The following ASTN2 variants were observed in gnomAD, a reference collection of about 807,000 sequenced individuals.
ASTN2 encodes the protein astrotactin-2.
ASTN2 carries 54 observed loss-of-function variants against 139.8 expected under a neutral mutation model. The ratio of observed to expected loss-of-function variants is 0.39; its 90% CI spans 0.31 to 0.48. The LOEUF (loss-of-function observed/expected upper bound fraction) is 0.48. ASTN2 is among the 20% of genes least tolerant of loss of function. The probability of loss-of-function intolerance (pLI) is 0.95; values close to 1 mark genes in which losing one functional copy is unlikely to be tolerated. For synonymous variants in ASTN2, 756 were observed against 719.5 expected, an observed-to-expected ratio of 1.05 and a Z score of -0.81; for missense variants, 1,565 against 1,725.1, an observed-to-expected ratio of 0.91 and a Z score of 1.64.
chr9:116,950,905 A>G (rs1835539949), intron 10 of ASTN2, among the ~76,000 whole-genome samples: 2 of 152,336 alleles, frequency 1.3e-5, no homozygotes, highest in Non-Finnish European at 2.9e-5. Context: ...GGAGGAAGAT[A>G]GATTCTTTCT....
At chr9:117,341,832 C>T (rs1218973531) in intron 1 of ASTN2, among the ~76,000 whole-genome samples, 2 of 152,152 alleles carry the variant, frequency 1.3e-5, no homozygotes, top group Admixed American at 1.3e-4. Flanking sequence ...TGCCTTGTTT[C>T]TGCAAAATAC....
chr9:117,066,125 G>A (rs566686345), intron 5 of ASTN2, among the ~76,000 whole-genome samples: 35 of 139,350 alleles, frequency 2.5e-4, no homozygotes, highest in African/African-American at 7.3e-4. Flanking sequence ...CCACTAACTC[G>A]TCATCTAGCA....
At chr9:116,809,520 C>T (rs1831111562) in intron 12 of ASTN2, among the ~76,000 whole-genome samples, 1 of 152,066 alleles carries the variant, frequency 6.6e-6, no homozygotes, top group African/African-American at 2.4e-5. Context: ...ATACTCCTCC[C>T]CTTCATCAAC....
At chr9:117,124,363 C>T (rs561135481) in intron 4 of ASTN2, among the ~76,000 whole-genome samples, 4 of 152,192 alleles carry the variant, frequency 2.6e-5, no homozygotes, top group Non-Finnish European at 4.4e-5. Flanking sequence ...AAGGTCACAG[C>T]CTTTAAACAG....
chr9:117,149,298 A>T (rs1830274130), intron 3 of ASTN2, among the ~76,000 whole-genome samples: 1 of 152,162 alleles, frequency 6.6e-6, no homozygotes, highest in Non-Finnish European at 1.5e-5. Context: ...GATTACAGGC[A>T]TGAGCCACTA....
At chr9:117,391,572 G>A (rs1830541801) in intron 1 of ASTN2, among the ~76,000 whole-genome samples, 1 of 152,098 alleles carries the variant, frequency 6.6e-6, no homozygotes, top group African/African-American at 2.4e-5. Context: ...CACAACACGT[G>A]GGAATTATGG....
At chr9:116,671,407 AT>A (rs1310257565) in intron 16 of ASTN2, among the ~76,000 whole-genome samples, 1 of 152,108 alleles carries the variant, frequency 6.6e-6, no homozygotes, top group African/African-American at 2.4e-5. Flanking sequence ...GGTACATCAT[AT>A]GGAGATTAGA....
At chr9:116,851,290 G>T (rs777666921) in intron 11 of ASTN2, among the ~76,000 whole-genome samples, 1 of 152,140 alleles carries the variant, frequency 6.6e-6, no homozygotes, top group Non-Finnish European at 1.5e-5. Context: ...GGGAGGACAG[G>T]GTTACAATTG....
intron 10 of ASTN2, among the ~76,000 whole-genome samples, chr9:116,893,627 G>A (rs747363947): frequency 6.6e-6 from 1 of 152,100 alleles, no homozygotes; most frequent in Admixed American, 6.5e-5. Flanking sequence ...GTAGGTGCCT[G>A]CATGGAGTGA....
chr9:116,936,632 A>G (rs1211056481), intron 10 of ASTN2, among the ~76,000 whole-genome samples: 1 of 152,198 alleles, frequency 6.6e-6, no homozygotes, highest in African/African-American at 2.4e-5. Context: ...AACATTTTCC[A>G]GAGACATTTC....
rs149122855 is a variant in ASTN2, at chr9:117,360,934, C to A, written c.442+53563G>T. ...TTTTTTCCCCCTTCCACATTATGCC[C>A]CTTTATGTAGAATTGGTGACATTAT... On this transcript the variant is annotated intron_variant, in intron 1 of 22. Coordinates refer to ENST00000313400, the MANE Select transcript of ASTN2 (RefSeq NM_001365068.1). Among the ~76,000 whole-genome samples the A allele has an allele frequency of 1.7e-3, 262 of 152,230 alleles. 2 individuals are homozygous for A. Among genetic ancestry groups the A allele is most frequent in the Non-Finnish European group, 1.0e-3 (70 of 68,014 alleles).
At chr9:116,945,242 A>T (rs1178277681) in intron 10 of ASTN2, among the ~76,000 whole-genome samples, 1 of 152,072 alleles carries the variant, frequency 6.6e-6, no homozygotes, top group African/African-American at 2.4e-5. Flanking sequence ...TCACGTATCA[A>T]CTCTCACAAA....
intron 10 of ASTN2, among the ~76,000 whole-genome samples, chr9:116,955,854 A>G (rs935092258): frequency 5.6e-4 from 85 of 152,322 alleles, no homozygotes; most frequent in African/African-American, 2.0e-3. Context: ...TGTGGATATA[A>G]TGAGCAAGAG....
chr9:117,128,775 C>T (rs1382154489), intron 4 of ASTN2, among the ~76,000 whole-genome samples: 1 of 152,226 alleles, frequency 6.6e-6, no homozygotes. Flanking sequence ...TTTAATTGAA[C>T]TTACAGTTCC....
At chr9:117,220,373 C>G (rs1489835192) in intron 2 of ASTN2, among the ~76,000 whole-genome samples, 1 of 152,124 alleles carries the variant, frequency 6.6e-6, no homozygotes, top group African/African-American at 2.4e-5. Context: ...GTGTGATGCT[C>G]CCTCTTCTGC....
chr9:116,860,158 A>G lies in ASTN2; in HGVS notation c.2040+3425T>C, dbSNP rs180970980. ...CCCTTAGCTCCTAGGCCTTACAGGT[A>G]CATTGGCCCTTTGAGCTAAAATGTT... On this transcript the variant is annotated intron_variant, in intron 11 of 22. Coordinates refer to ENST00000313400, the MANE Select transcript of ASTN2 (RefSeq NM_001365068.1). Among the ~76,000 whole-genome samples the G allele has an allele frequency of 2.6e-4, 39 of 152,340 alleles. 1 individual carries two copies. The highest frequency in any genetic ancestry group is 9.1e-4 in the African/African-American group (38 of 41,590).
At chr9:116,428,780 T>C (rs546526948) in intron 22 of ASTN2, among the ~76,000 whole-genome samples, 1 of 152,316 alleles carries the variant, frequency 6.6e-6, no homozygotes, top group Admixed American at 6.5e-5. Flanking sequence ...TGAAGTGCTT[T>C]ACCACTTGTC....
At chr9:117,212,648 CA>C (rs1317965648) in intron 3 of ASTN2, among the ~76,000 whole-genome samples, 1 of 152,046 alleles carries the variant, frequency 6.6e-6, no homozygotes, top group African/African-American at 2.4e-5. Flanking sequence ...AGAAATTTCT[CA>C]AAAGACATAC....
At chr9:116,632,992 G>A (rs1429615602) in intron 17 of ASTN2, among the ~76,000 whole-genome samples, 1 of 152,212 alleles carries the variant, frequency 6.6e-6, no homozygotes, top group Non-Finnish European at 1.5e-5. Flanking sequence ...GAATAATAAA[G>A]TCTGAGGAAA....
Sources: gnomAD v4.1 joint callset for allele counts (sites outside exome capture counted in the v4.1 genomes callset) on GRCh38, gnomAD v4.1.1 for gene constraint, MANE v1.5 for transcripts, NCBI Gene and HGNC (gene_info 2026-07-23, HGNC 2026-07-21) for gene names.